The following SMAD3 variants were observed in gnomAD, a reference collection of about 807,000 sequenced individuals.
SMAD3 encodes the protein MAD homolog 3.
In SMAD3, 12 loss-of-function variants were observed where a neutral mutation model predicts 51.8. The ratio of observed to expected loss-of-function variants is 0.23; its 90% CI spans 0.15 to 0.38. The LOEUF (loss-of-function observed/expected upper bound fraction) is 0.38, where lower values mean the gene tolerates loss of function less well. Among genes scored for constraint, SMAD3 ranks in the 10% least tolerant of loss-of-function variants. The pLI is 1.00. For missense variants in SMAD3, 294 were observed against 565.6 expected (o/e 0.52, Z 4.87); for synonymous variants, 238 against 227.7 (o/e 1.05, Z -0.41).
chr15:67,076,550 C>A (rs940076673), intron 1 of SMAD3, among the ~76,000 whole-genome samples: 1 of 152,190 alleles, frequency 6.6e-6, no homozygotes, highest in African/African-American at 2.4e-5. Flanking sequence ...TCCAGAAACT[C>A]ATGGCTCTGA....
chr15:67,125,083 G>A (rs1314664125), intron 1 of SMAD3, among the ~76,000 whole-genome samples: 2 of 152,216 alleles, frequency 1.3e-5, no homozygotes, highest in African/African-American at 4.8e-5. Flanking sequence ...GGAAAGGGAG[G>A]GAGGGAGTCA....
chr15:67,093,843 A>G lies in SMAD3; in HGVS notation c.206+27483A>G, dbSNP rs543015013. On this transcript the variant is annotated intron_variant, in intron 1 of 8. Transcript: ENST00000327367. Reference sequence around the variant, plus strand: ...CACCTAAAAGAAGCCTCTTGGGCCAATGAGAGGATGGACTGTCCCCCACCT... The same window carrying G: ...CACCTAAAAGAAGCCTCTTGGGCCAGTGAGAGGATGGACTGTCCCCCACCT... Among the ~76,000 whole-genome samples, 53 of 152,334 alleles carry G rather than the reference A, an allele frequency of 3.5e-4. 3 individuals carry two copies. The South Asian group carries it at 0.01, about 30-fold the overall frequency.
intron 1 of SMAD3, among the ~76,000 whole-genome samples, chr15:67,076,593 T>C (rs1960175895): frequency 6.6e-6 from 1 of 152,232 alleles, no homozygotes; most frequent in African/African-American, 2.4e-5. Context: ...TACCCTTGAC[T>C]GCCCTCAGAT....
chr15:67,122,119 C>T (rs955507571), intron 1 of SMAD3, among the ~76,000 whole-genome samples: 2 of 152,178 alleles, frequency 1.3e-5, no homozygotes, highest in Admixed American at 6.5e-5. Flanking sequence ...GTCTAAGGTC[C>T]GGACATATGT....
At chr15:67,107,848 C>G (rs1434337526) in intron 1 of SMAD3, among the ~76,000 whole-genome samples, 2 of 152,178 alleles carry the variant, frequency 1.3e-5, no homozygotes, top group Non-Finnish European at 2.9e-5. Flanking sequence ...GGAGGATTAT[C>G]TGAGGCTTGA....
chr15:67,106,631 G>A (rs1368171339), intron 1 of SMAD3, among the ~76,000 whole-genome samples: 1 of 152,154 alleles, frequency 6.6e-6, no homozygotes, highest in South Asian at 2.1e-4. Context: ...TCAGGACCCA[G>A]ATCAAAGGAG....
intron 6 of SMAD3, among the ~76,000 whole-genome samples, chr15:67,182,737 G>C (rs1323352978): frequency 6.6e-6 from 1 of 151,890 alleles, no homozygotes; most frequent in Non-Finnish European, 1.5e-5. Context: ...CTCATTGTCA[G>C]TGACAGACAG....
At chr15:67,110,569 G>A (rs754003329) in intron 1 of SMAD3, among the ~76,000 whole-genome samples, 6 of 152,152 alleles carry the variant, frequency 3.9e-5, no homozygotes, top group African/African-American at 1.2e-4. Context: ...GAAGAGGAGC[G>A]TTCCTTGCCG....
intron 1 of SMAD3, among the ~76,000 whole-genome samples, chr15:67,160,535 G>A (rs559673885): frequency 2.6e-5 from 4 of 152,258 alleles, no homozygotes; most frequent in African/African-American, 7.2e-5. Context: ...TACTTTGGGA[G>A]GCCGAGGCAG....
rs991630343 is a variant in SMAD3 at position 67,194,368 on chromosome 15, C to T, written c.*3832C>T. 6.4e-5 allele frequency: 15 copies of T among 233,256 alleles called. No homozygotes were observed. Among genetic ancestry groups the T allele is most frequent in the African/African-American group, 3.3e-4 (15 of 45,334 alleles). 14.4% of individuals were successfully genotyped at this position (233,256 alleles called of 1,614,324 possible). A position where few individuals can be genotyped will look rare whatever the true frequency, so the allele number is the denominator to read the frequency against. On this transcript the variant is annotated 3_prime_UTR_variant, in exon 9 of 9. Coordinates refer to ENST00000327367, the MANE Select transcript of SMAD3 (RefSeq NM_005902.4). ...TGGATCCAAAATGATGATGAAGCAT[C>T]TCCCATGGGGAGGTGATGGTGGGGA... is the stretch of plus-strand genomic sequence containing the variant.
intron 1 of SMAD3, among the ~76,000 whole-genome samples, chr15:67,127,124 C>T (rs1961408936): frequency 1.3e-5 from 2 of 152,100 alleles, no homozygotes; most frequent in South Asian, 2.1e-4. Context: ...CCGGCCACCT[C>T]GAGCCTCAAA....
At chr15:67,177,483 C>T (rs527315775) in intron 5 of SMAD3, among the ~76,000 whole-genome samples, 8 of 127,706 alleles carry the variant, frequency 6.3e-5, no homozygotes, top group Admixed American at 2.0e-4. Flanking sequence ...AGTGCAGTGG[C>T]GTGATCTTGG....
In SMAD3 at chr15:67,099,061, C is replaced by T. The variant is rs757906489; in HGVS notation, c.206+32701C>T. On this transcript the variant is annotated intron_variant, in intron 1 of 8. Coordinates refer to ENST00000327367, the MANE Select transcript of SMAD3 (RefSeq NM_005902.4). ...TGATAATTCTCCTTTCTGTGGTTGC[C>T]GCCCTGTTGATTCATGTGTCAGCCT... 16 of 697,132 alleles carry T rather than the reference C, an allele frequency of 2.3e-5. No homozygotes were observed. In the Middle Eastern group the frequency reaches 6.9e-4, roughly 30 times the overall value. 43.2% of individuals were successfully genotyped at this position (697,132 alleles called of 1,614,324 possible).
chr15:67,098,591 G>A (rs2140221493), intron 1 of SMAD3: 1 of 426,720 alleles, frequency 2.3e-6, no homozygotes, highest in Non-Finnish European at 4.3e-6. Flanking sequence ...CAGCACAGAG[G>A]CAAACCACAG....
At chr15:67,123,571 A>G (rs1302417894) in intron 1 of SMAD3, among the ~76,000 whole-genome samples, 1 of 152,260 alleles carries the variant, frequency 6.6e-6, no homozygotes, top group Non-Finnish European at 1.5e-5. Flanking sequence ...AAGTGTTAGT[A>G]AATAGTAGCC....
Position 67,180,549 on chromosome 15 carries a change from A to G in SMAD3, c.659-692A>G, listed in dbSNP as rs559087196. On this transcript the variant is annotated intron_variant, in intron 5 of 8. Coordinates refer to ENST00000327367, the MANE Select transcript of SMAD3 (RefSeq NM_005902.4). The stretch of plus-strand genomic sequence containing the variant: ...AGCCACCCCAACAGCCGGCATCTAG[A>G]TAAGTGTGGAAAATAGTTTCTGTGA... Among the ~76,000 whole-genome samples, 10 of 148,760 alleles carry G rather than the reference A, an allele frequency of 6.7e-5. No homozygotes were observed. In the East Asian group the frequency reaches 1.8e-3, roughly 26 times the overall value.
intron 1 of SMAD3, among the ~76,000 whole-genome samples, chr15:67,091,241 G>T (rs1309447598): frequency 1.3e-5 from 2 of 152,202 alleles, no homozygotes; most frequent in African/African-American, 4.8e-5. Context: ...TGCTCCCCCA[G>T]CCGTCTCCAG....
chr15:67,191,956 CCTCTT>C lies in SMAD3; in HGVS notation c.*1423_*1427del, dbSNP rs1371182366. The C allele has an allele frequency of 4.4e-6, 1 of 229,286 alleles. No individual in the cohort carries two copies. The highest frequency in any genetic ancestry group is 2.2e-5 in the African/African-American group (1 of 45,096). The allele number at this position is 229,286 out of a possible 1,614,324, so 14.2% of individuals were successfully genotyped here. ...TCAACTGGAAAAAAGAAAAAAGAGT[CCTCTT>C]CTTTTCCCAGCCTTTTGCAGAACAC... On this transcript the variant is annotated 3_prime_UTR_variant, in exon 9 of 9. Transcript: ENST00000327367.
intron 1 of SMAD3, among the ~76,000 whole-genome samples, chr15:67,082,195 A>G (rs1340471857): frequency 6.6e-6 from 1 of 152,066 alleles, no homozygotes; most frequent in Non-Finnish European, 1.5e-5. Context: ...GCAGTCTGGT[A>G]GCTTTGGAAG....
Sources: allele counts gnomAD v4.1 joint callset (sites outside exome capture counted in the v4.1 genomes callset), GRCh38; gene constraint gnomAD v4.1.1; transcripts MANE v1.5; gene names NCBI Gene and HGNC (gene_info 2026-07-23, HGNC 2026-07-21).